The following DRC9 variants were observed in gnomAD, a reference collection of about 807,000 sequenced individuals.
DRC9 encodes dynein regulatory complex subunit 9, also known as dynein regulatory complex protein 9.
chr3:197,935,332 C>T, the DRC9 span, among the ~76,000 whole-genome samples: 2 of 151,372 alleles, frequency 1.3e-5, no homozygotes, highest in Non-Finnish European at 2.9e-5. Flanking sequence ...CCCAGCTACT[C>T]GGGAGGCTCA....
chr3:197,955,626 A>C, the DRC9 span: 1 of 883,626 alleles, frequency 1.1e-6, no homozygotes, highest in Non-Finnish European at 1.9e-6. Context: ...AGGCTATAAA[A>C]ACTTTCCTTA....
At chr3:197,900,054 AC>A in the DRC9 span, among the ~76,000 whole-genome samples, 1 of 152,210 alleles carries the variant, frequency 6.6e-6, no homozygotes, top group Admixed American at 6.5e-5. The surrounding 1 kb of genome is among the most constrained non-coding windows in gnomAD (Gnocchi z 4.7). Flanking sequence ...GGTGACGCCC[AC>A]CCATGGAGGG....
At chr3:197,951,303 A>G in the DRC9 span, 2 of 1,613,950 alleles carry the variant, frequency 1.2e-6, no homozygotes, top group East Asian at 2.2e-5. Context: ...ATGTATATAA[A>G]GCAAAGAAGT....
At chr3:197,919,731 T>G in the DRC9 span, among the ~76,000 whole-genome samples, 2 of 152,316 alleles carry the variant, frequency 1.3e-5, no homozygotes, top group African/African-American at 2.4e-5. Context: ...CTTTCATAAC[T>G]GTACATAAAG....
chr3:197,950,215 T>A, the DRC9 span: 6 of 1,231,426 alleles, frequency 4.9e-6, no homozygotes, highest in Non-Finnish European at 6.1e-6. Context: ...TCTTGGCTCC[T>A]GTGGAGGTGA....
chr3:197,938,457 C>T, the DRC9 span: 3 of 862,722 alleles, frequency 3.5e-6, no homozygotes, highest in South Asian at 4.3e-5. Flanking sequence ...AATGACTAAC[C>T]TGTAGACGAT....
At chr3:197,933,069 TATATATATAAAATACATATATTATAC>T in the DRC9 span, among the ~76,000 whole-genome samples, 16 of 76,036 alleles carry the variant, frequency 2.1e-4, no homozygotes, top group African/African-American at 8.2e-4. Flanking sequence ...ATATTATACA[TATATATATAAAATACATATATTATAC>T]ATATATATAT....
chr3:197,934,569 A>G, the DRC9 span, among the ~76,000 whole-genome samples: 5 of 152,178 alleles, frequency 3.3e-5, no homozygotes, highest in Non-Finnish European at 7.4e-5. Context: ...CAGGAAAGTT[A>G]AGTGACTTGC....
At chr3:197,953,066 T>C in the DRC9 span, among the ~76,000 whole-genome samples, 1 of 152,240 alleles carries the variant, frequency 6.6e-6, no homozygotes, top group Non-Finnish European at 1.5e-5. Flanking sequence ...CCCAAAGTGC[T>C]GGGATTACAG....
At chr3:197,921,278 G>A in the DRC9 span, among the ~76,000 whole-genome samples, 26 of 83,612 alleles carry the variant, frequency 3.1e-4, 1 homozygote, top group Admixed American at 1.0e-3. Flanking sequence ...ACCTGATTTC[G>A]TCTTGGTCGA....
the DRC9 span, chr3:197,951,162 G>A: frequency 1.2e-6 from 2 of 1,614,134 alleles, no homozygotes; most frequent in South Asian, 1.1e-5. Context: ...GTCTTAGGCT[G>A]TGGTCCAAGG....
chr3:197,956,624 G>GTTTTTT, the DRC9 span: 63 of 135,198 alleles, frequency 4.7e-4, no homozygotes, highest in African/African-American at 1.7e-3. Context: ...TTGCTGTATG[G>GTTTTTT]TTTTTTTTTT....
the DRC9 span, among the ~76,000 whole-genome samples, chr3:197,935,818 GTC>G: frequency 9.6e-4 from 146 of 152,218 alleles, no homozygotes; most frequent in Non-Finnish European, 1.5e-3. Flanking sequence ...TCACGTTATA[GTC>G]TCTGTTTCTG....
At chr3:197,898,110 G>A in the DRC9 span, among the ~76,000 whole-genome samples, 1 of 151,990 alleles carries the variant, frequency 6.6e-6, no homozygotes, top group African/African-American at 2.4e-5. Context: ...CACATTCTGA[G>A]ACCACAATGC....
chr3:197,954,320 T>G, the DRC9 span: 1 of 724,820 alleles, frequency 1.4e-6, no homozygotes, highest in Non-Finnish European at 2.4e-6. Flanking sequence ...ATTAGGTGTT[T>G]GGTTGTTTGT....
chr3:197,932,289 C>G, the DRC9 span: 285,806 of 1,607,346 alleles, frequency 0.18, 29,213 homozygotes, highest in African/African-American at 0.45. Context: ...GCAATCACAT[C>G]GCTGAAAAAC....
the DRC9 span, chr3:197,912,938 CGT>C: frequency 1.7e-6 from 1 of 596,686 alleles, no homozygotes; most frequent in Non-Finnish European, 3.0e-6. Context: ...GTGTGGACTG[CGT>C]GTGTCCCTAA....
chr3:197,928,496 C>T, the DRC9 span, among the ~76,000 whole-genome samples: 2 of 151,946 alleles, frequency 1.3e-5, no homozygotes, highest in Non-Finnish European at 2.9e-5. Flanking sequence ...ACTACAGGTG[C>T]GCATCACCAT....
chr3:197,912,906 C>T, the DRC9 span: 1 of 667,634 alleles, frequency 1.5e-6, no homozygotes, highest in Non-Finnish European at 2.7e-6. Context: ...ACCAACACTG[C>T]AGAGCCACGT....
Sources: gnomAD v4.1 joint callset for allele counts (sites outside exome capture counted in the v4.1 genomes callset) on GRCh38, gnomAD v4.1.1 for gene constraint, Gnocchi (gnomAD v3.1) non-coding constraint, MANE v1.5 for transcripts, NCBI Gene and HGNC (gene_info 2026-07-23, HGNC 2026-07-21) for gene names.